Variants in FGFR2 observed in about 807,000 individuals in gnomAD.
The protein encoded by FGFR2 is fibroblast growth factor receptor 2.
FGFR2 carries 19 observed loss-of-function variants against 95.9 expected under a neutral mutation model. The ratio of observed to expected loss-of-function variants is 0.20; its 90% CI spans 0.14 to 0.29. The LOEUF (loss-of-function observed/expected upper bound fraction) is 0.29. Ranked by LOEUF, FGFR2 falls within the 10% of genes least tolerant of loss-of-function variation. The probability of loss-of-function intolerance (pLI) is 1.00; values close to 1 mark genes in which losing one functional copy is unlikely to be tolerated. For synonymous variants in FGFR2, 392 were observed against 393.3 expected (o/e 1.00, Z 0.04); for missense variants, 707 against 1,056.9 (o/e 0.67, Z 4.59).
At chr10:121,568,623 GAAA>G (rs920712214) in intron 2 of FGFR2, among the ~76,000 whole-genome samples, 2 of 149,796 alleles carry the variant, frequency 1.3e-5, no homozygotes, top group African/African-American at 4.9e-5. Flanking sequence ...CCATTAGGGG[GAAA>G]AAAAGAAAAA....
chr10:121,549,713 G>T (rs915790988), intron 5 of FGFR2, among the ~76,000 whole-genome samples: 9 of 152,188 alleles, frequency 5.9e-5, no homozygotes, highest in Non-Finnish European at 1.0e-4. Context: ...ACAGTGGGCA[G>T]CCCCCAGCCA....
At chr10:121,546,036 C>A (rs1331859507) in intron 5 of FGFR2, among the ~76,000 whole-genome samples, 2 of 152,100 alleles carry the variant, frequency 1.3e-5, no homozygotes, top group Non-Finnish European at 2.9e-5. Flanking sequence ...TTTTTAAGAA[C>A]CCCCTATGCC....
At chr10:121,556,077 C>T (rs987652474) in intron 4 of FGFR2, among the ~76,000 whole-genome samples, 1 of 152,192 alleles carries the variant, frequency 6.6e-6, no homozygotes, top group South Asian at 2.1e-4. Flanking sequence ...TGTCTTTAGC[C>T]TATGGAGTAG....
Position 121,565,668 on chromosome 10 carries a change from A to G in FGFR2, c.146T>C (p.Val49Ala). ...CGACTCCCCTGGCGCAGCCACGTACACTTCTGGTTGAGAGATTTGGTATTT... is the reference window on the plus strand; with the variant it reads ...CGACTCCCCTGGCGCAGCCACGTACGCTTCTGGTTGAGAGATTTGGTATTT... ...PTKYQISQPE[V>A]YVAAPGESLE... The change falls in exon 3 of 18, where the codon GTG (valine) becomes GCG (alanine). Residue 49 changes from valine (V) to alanine (A), a missense_variant. Val to Ala is a moderately conservative substitution (Grantham distance 64). Around this residue, in one of 7 missense-constraint regions of FGFR2, gnomAD observed 178 missense variants for 194.1 expected, o/e 0.92. Coordinates refer to ENST00000358487, the MANE Select transcript of FGFR2 (RefSeq NM_000141.5). 6 of 1,614,196 alleles carry G rather than the reference A, an allele frequency of 3.7e-6. No individual in the cohort carries two copies. Among genetic ancestry groups the G allele is most frequent in the Non-Finnish European group, 5.1e-6 (6 of 1,180,036 alleles).
At chr10:121,509,719 G>A (rs1315516344) in intron 9 of FGFR2, among the ~76,000 whole-genome samples, 2 of 151,826 alleles carry the variant, frequency 1.3e-5, no homozygotes, top group Admixed American at 1.3e-4. Context: ...CTGACCTCAG[G>A]TGATCCACCT....
At chr10:121,506,402 G>A (rs904837934) in intron 9 of FGFR2, among the ~76,000 whole-genome samples, 4 of 147,080 alleles carry the variant, frequency 2.7e-5, no homozygotes, top group African/African-American at 1.0e-4. Flanking sequence ...GACGACTTCC[G>A]CAAATGGCCA....
chr10:121,524,792 G>A (rs1851118242), intron 6 of FGFR2, among the ~76,000 whole-genome samples: 1 of 152,178 alleles, frequency 6.6e-6, no homozygotes, highest in Admixed American at 6.5e-5. Context: ...GAGACAAAGG[G>A]GACGATGACC....
In FGFR2 at chr10:121,577,560, C is replaced by T. The variant is rs145785445; in HGVS notation, c.110-11856G>A. 2.3e-3 allele frequency among the ~76,000 whole-genome samples: 346 copies of T among 152,164 alleles called. 1 individual carries two copies. The highest frequency in any genetic ancestry group is 7.9e-3 in the African/African-American group (327 of 41,496). On this transcript the variant is annotated intron_variant, in intron 2 of 17. Transcript: ENST00000358487. ...TGCTTCCTGCTGGTGCGTACATGTG[C>T]GTATGTGTTCTTATGGACAGGAACA...
At chr10:121,519,715 A>G (rs1276563184) in intron 7 of FGFR2, among the ~76,000 whole-genome samples, 1 of 152,246 alleles carries the variant, frequency 6.6e-6, no homozygotes, top group African/African-American at 2.4e-5. Flanking sequence ...CTGCGATCTC[A>G]GGGCTGATAA....
At position 121,518,832 on chromosome 10, in the gene FGFR2, A is replaced by G. The variant is rs768736957; in HGVS notation, c.939+1147T>C. On this transcript the variant is annotated intron_variant, in intron 7 of 17. Transcript: ENST00000358487. The surrounding 1 kb of genome is among the most constrained non-coding windows in gnomAD (Gnocchi z 4.0). The stretch of plus-strand genomic sequence containing the variant: ...TTGGAACTATTTATCCCCGAGTGCT[A>G]GAACAGACACAGGAGAACAATATAA... 1 of 1,614,058 alleles carries G rather than the reference A, an allele frequency of 6.2e-7. No individual in the cohort carries two copies. Among genetic ancestry groups the G allele is most frequent in the East Asian group, 2.2e-5 (1 of 44,884 alleles).
At chr10:121,526,242 A>C (rs1054729184) in intron 6 of FGFR2, 1 of 398,516 alleles carries the variant, frequency 2.5e-6, no homozygotes, top group African/African-American at 2.1e-5. Flanking sequence ...AGTGAAAACA[A>C]CTGAGAATTC....
chr10:121,495,636 T>C (rs1846700008), intron 13 of FGFR2, among the ~76,000 whole-genome samples: 1 of 152,156 alleles, frequency 6.6e-6, no homozygotes, highest in African/African-American at 2.4e-5. Context: ...GCCTTGGTGG[T>C]GTGACTGGCA....
Position 121,479,791 on chromosome 10 carries a change from G to GAGACAACAAGC in FGFR2, c.*65_*66insGCTTGTTGTCT. 1.2e-6 allele frequency: 2 copies of GAGACAACAAGC among 1,613,546 alleles called. No homozygotes were observed. The highest frequency in any genetic ancestry group is 1.7e-6 in the Non-Finnish European group (2 of 1,179,552). On this transcript the variant is annotated 3_prime_UTR_variant, in exon 18 of 18. Coordinates refer to ENST00000358487, the MANE Select transcript of FGFR2 (RefSeq NM_000141.5). The stretch of plus-strand genomic sequence containing the variant: ...GAGACAACAAGCTCTGGGAGGCATG[G>GAGACAACAAGC]TCTCCCTGCTCAGTGTAGCTAGGTT...
At chr10:121,512,865 G>T (rs1264420199) in intron 9 of FGFR2, among the ~76,000 whole-genome samples, 1 of 152,148 alleles carries the variant, frequency 6.6e-6, no homozygotes, top group Non-Finnish European at 1.5e-5. Flanking sequence ...AACTTAGGCT[G>T]AATTCTCTCT....
intron 9 of FGFR2, among the ~76,000 whole-genome samples, chr10:121,507,740 T>C (rs1351972740): frequency 6.6e-6 from 1 of 152,132 alleles, no homozygotes; most frequent in Non-Finnish European, 1.5e-5. Context: ...TATTTTCTCT[T>C]AGTCCCTTTA....
chr10:121,495,561 G>A (rs142970338), intron 13 of FGFR2, among the ~76,000 whole-genome samples: 3 of 152,254 alleles, frequency 2.0e-5, no homozygotes, highest in Non-Finnish European at 2.9e-5. Flanking sequence ...ATGTTCCTAT[G>A]TGGCCAGAGA....
rs767004120 is a variant in FGFR2 at position 121,565,416 on chromosome 10, T to C, written c.376+22A>G. ...TAATGGCTACAGAGAAGAGAGAGCA[T>C]AGTGCTGGCGGGCCAACTCACCTGT... On this transcript the variant is annotated intron_variant, in intron 3 of 17. Transcript: ENST00000358487. 6.8e-6 allele frequency: 11 copies of C among 1,613,656 alleles called. No homozygotes were observed. The Middle Eastern group carries it at 4.9e-4, about 72-fold the overall frequency.
intron 11 of FGFR2, among the ~76,000 whole-genome samples, chr10:121,499,652 T>C (rs1444911047): frequency 2.0e-5 from 3 of 152,184 alleles, no homozygotes; most frequent in South Asian, 4.1e-4. Context: ...TGAGCTCCAT[T>C]AGCAAAACCA....
intron 8 of FGFR2, 113 bp from the exon 9 acceptor site, chr10:121,515,432 G>A (rs1849585717): frequency 2.9e-6 from 3 of 1,042,976 alleles, no homozygotes; most frequent in African/African-American, 3.1e-5. Context: ...CCATTCTCAA[G>A]GCAAGGTGGG....
Sources: gnomAD v4.1 joint callset for allele counts (sites outside exome capture counted in the v4.1 genomes callset) on GRCh38, gnomAD v4.1.1 for gene constraint, gnomAD v4.1.1 regional missense constraint, Gnocchi (gnomAD v3.1) non-coding constraint, MANE v1.5 for transcripts, NCBI Gene and HGNC (gene_info 2026-07-23, HGNC 2026-07-21) for gene names.